Variants in OCLN observed in about 807,000 individuals in gnomAD.
The protein encoded by OCLN is occludin.
A neutral mutation model predicts 47.9 loss-of-function variants in OCLN; 21 were observed. The observed-to-expected ratio is 0.44, with a 90% confidence interval of 0.31 to 0.63. OCLN has a LOEUF of 0.63. Ranked by LOEUF, OCLN falls within the 30% of genes least tolerant of loss-of-function variation. The probability of loss-of-function intolerance (pLI) is 0.08; values close to 1 mark genes in which losing one functional copy is unlikely to be tolerated. For synonymous variants in OCLN, 117 were observed against 198.4 expected (o/e 0.59, Z 3.45); for missense variants, 360 against 571.0 (o/e 0.63, Z 3.77).
chr5:69,506,085 T>C (rs1379375873), intron 2 of OCLN, among the ~76,000 whole-genome samples: 2 of 152,116 alleles, frequency 1.3e-5, no homozygotes, highest in Non-Finnish European at 2.9e-5. Context: ...TTGGGTGCAA[T>C]TAATTTGCTA....
At chr5:69,521,469 C>T (rs984986641) in intron 4 of OCLN, among the ~76,000 whole-genome samples, 1 of 152,068 alleles carries the variant, frequency 6.6e-6, no homozygotes, top group Non-Finnish European at 1.5e-5. Context: ...TGAGTGTGCA[C>T]ACTTAAAATT....
At chr5:69,496,349 C>T (rs1192022353) in intron 1 of OCLN, among the ~76,000 whole-genome samples, 6 of 152,014 alleles carry the variant, frequency 3.9e-5, no homozygotes, top group Non-Finnish European at 5.9e-5. Flanking sequence ...CCTCCCGTCT[C>T]GGCCCCCCAA....
At position 69,503,276 on chromosome 5, in the gene OCLN, C is replaced by A. The variant is rs552029316; in HGVS notation, c.-68-901C>A. Reference sequence around the variant, plus strand: ...TCAAATCTGGTTCAAATCAAACTTACACCTCCCTTGCCGAGAATCACGAAC... The same window carrying A: ...TCAAATCTGGTTCAAATCAAACTTAAACCTCCCTTGCCGAGAATCACGAAC... On this transcript the variant is annotated intron_variant, in intron 1 of 8. Transcript: ENST00000396442. 5.3e-5 allele frequency among the ~76,000 whole-genome samples: 8 copies of A among 152,312 alleles called. No homozygotes were observed. The South Asian group carries it at 8.3e-4, about 16-fold the overall frequency.
rs1212368787 is a variant in OCLN at position 69,509,186 on chromosome 5, G to C, written c.96G>C (p.Glu32Asp). Residue 32 changes from glutamate to aspartate, a missense_variant, in exon 3 of 9, where the codon GAG (glutamate) becomes GAC (aspartate). Coordinates refer to ENST00000396442, the MANE Select transcript of OCLN (RefSeq NM_001205254.2). ...YAPSNDIYGG[E>D]MHVRPMLSQP... ...CAAGCAATGACATATATGGTGGAGA[G>C]ATGCATGTTCGACCAATGCTCTCTC... The C allele has an allele frequency of 6.2e-7, 1 of 1,614,184 alleles. No homozygotes were observed.
chr5:69,500,422 C>T (rs552581676), intron 1 of OCLN, among the ~76,000 whole-genome samples: 54 of 136,506 alleles, frequency 4.0e-4, no homozygotes, highest in Non-Finnish European at 1.6e-4. Context: ...TTTTTTGAGA[C>T]GGAGTTTTGC....
chr5:69,536,272 ATACTT>A (rs1769582247), intron 5 of OCLN, among the ~76,000 whole-genome samples: 1 of 148,924 alleles, frequency 6.7e-6, no homozygotes, highest in Admixed American at 6.8e-5. Context: ...TATAAACACT[ATACTT>A]AGGCTACACT....
chr5:69,515,239 C>T (rs1345661939), intron 4 of OCLN, among the ~76,000 whole-genome samples: 5 of 138,068 alleles, frequency 3.6e-5, no homozygotes, highest in African/African-American at 8.4e-5. Flanking sequence ...CGGGCAGAGG[C>T]GCCCCTAACC....
At position 69,513,973 on chromosome 5, in the gene OCLN, T is replaced by C. The variant is rs763448206; in HGVS notation, c.755T>C (p.Met252Thr). ...QEAIAIVLGFMIIVAFALIIF... is the reference protein window; with the variant it reads ...QEAIAIVLGFTIIVAFALIIF... ...GCCATTGCCATTGTACTGGGGTTCA[T>C]GATTATTGTGGCTTTTGCTTTAATA... Residue 252 changes from methionine (M) to threonine (T), a missense_variant, in exon 4 of 9, where the codon ATG (methionine) becomes ACG (threonine). Physicochemically the swap from Met to Thr is moderately conservative, Grantham distance 81 (BLOSUM62 -1). Around this residue, in one of 3 missense-constraint regions of OCLN, gnomAD observed 314 missense variants for 368.1 expected, o/e 0.85. Coordinates refer to ENST00000396442, the MANE Select transcript of OCLN (RefSeq NM_001205254.2). 6 of 1,614,030 alleles carry C rather than the reference T, an allele frequency of 3.7e-6. No individual in the cohort carries two copies. The highest frequency in any genetic ancestry group is 5.1e-6 in the Non-Finnish European group (6 of 1,179,858).
At position 69,533,826 on chromosome 5, in the gene OCLN, T is replaced by G. The variant is rs113659836; in HGVS notation, c.892-868T>G. On this transcript the variant is annotated intron_variant, in intron 4 of 8. Coordinates refer to ENST00000396442, the MANE Select transcript of OCLN (RefSeq NM_001205254.2). ...TGCCACCACGCCCAGCTAATTTTTT[T>G]TGTGTGTGTATTTTTAGTAGAAACG... Among the ~76,000 whole-genome samples the G allele has an allele frequency of 6.0e-3, 919 of 152,162 alleles. 6 individuals carry two copies. The highest frequency in any genetic ancestry group is 0.013 in the South Asian group (63 of 4,820).
At chr5:69,534,933 C>A in intron 5 of OCLN, 94 bp downstream of exon 5, 1 of 1,406,984 alleles carries the variant, frequency 7.1e-7, no homozygotes, top group Non-Finnish European at 9.8e-7. Flanking sequence ...AAAAAAATAT[C>A]CAGCAGTGCA....
At chr5:69,516,780 G>T (rs2112006290) in intron 4 of OCLN, among the ~76,000 whole-genome samples, 1 of 152,264 alleles carries the variant, frequency 6.6e-6, no homozygotes, top group East Asian at 1.9e-4. Context: ...TTAGAGGCCA[G>T]GTGTGGTGGC....
At chr5:69,500,199 G>T (rs1768416681) in intron 1 of OCLN, among the ~76,000 whole-genome samples, 1 of 152,140 alleles carries the variant, frequency 6.6e-6, no homozygotes, top group South Asian at 2.1e-4. Context: ...TCATTCTTTT[G>T]TGCTAATTGG....
At chr5:69,498,000 C>A (rs1236794229) in intron 1 of OCLN, among the ~76,000 whole-genome samples, 2 of 151,192 alleles carry the variant, frequency 1.3e-5, no homozygotes, top group African/African-American at 2.4e-5. Flanking sequence ...GGCGTAGTGG[C>A]GGGCGCCTGT....
chr5:69,533,086 T>TAC (rs1353911720), intron 4 of OCLN, among the ~76,000 whole-genome samples: 2 of 144,548 alleles, frequency 1.4e-5, no homozygotes, highest in Non-Finnish European at 3.0e-5. Flanking sequence ...CATATATATA[T>TAC]ATACACACAC....
At position 69,532,974 on chromosome 5, in the gene OCLN, A is replaced by ATAT. The variant is rs201177424; in HGVS notation, c.892-1720_892-1719insTAT. On this transcript the variant is annotated intron_variant, in intron 4 of 8. Coordinates refer to ENST00000396442, the MANE Select transcript of OCLN (RefSeq NM_001205254.2). Reference sequence around the variant, plus strand: ...CAGGGTGAGACTCTGTCTCAAAAAAAATATATATATATATGTATGCATGTA... The same window carrying ATAT: ...CAGGGTGAGACTCTGTCTCAAAAAAATATATATATATATATATGTATGCATGTA... Among the ~76,000 whole-genome samples, 15 of 123,374 alleles carry ATAT rather than the reference A, an allele frequency of 1.2e-4. 1 individual carries two copies. Among genetic ancestry groups the ATAT allele is most frequent in the African/African-American group, 3.9e-4 (12 of 30,724 alleles). The allele number at this position is 123,374 out of a possible 152,430, so 80.9% of individuals were successfully genotyped here.
chr5:69,523,133 T>C (rs1014676737), intron 4 of OCLN, among the ~76,000 whole-genome samples: 33 of 152,282 alleles, frequency 2.2e-4, no homozygotes, highest in South Asian at 2.1e-4. Context: ...ATAACTTTAT[T>C]CATATTGAGA....
intron 2 of OCLN, among the ~76,000 whole-genome samples, chr5:69,507,842 G>A (rs1768651041): frequency 6.6e-6 from 1 of 152,176 alleles, no homozygotes; most frequent in Non-Finnish European, 1.5e-5. Flanking sequence ...CTGACCTCAG[G>A]TGATCCACCC....
rs1026195854 is a variant in OCLN, at chr5:69,515,857, CG to C, written c.891+1752del. Among the ~76,000 whole-genome samples, 6 of 150,144 alleles carry C rather than the reference CG, an allele frequency of 4.0e-5. No individual in the cohort carries two copies. The South Asian group carries it at 8.5e-4, about 21-fold the overall frequency. On this transcript the variant is annotated intron_variant, in intron 4 of 8. Coordinates refer to ENST00000396442, the MANE Select transcript of OCLN (RefSeq NM_001205254.2). ...GTAGAGGCGCTCCTCACATCCCAGA[CG>C]GGGTGGCGGGGCAGAGGCGCTCCCC...
At chr5:69,505,732 T>C (rs930686634) in intron 2 of OCLN, among the ~76,000 whole-genome samples, 2 of 152,192 alleles carry the variant, frequency 1.3e-5, no homozygotes, top group African/African-American at 4.8e-5. Context: ...CTCCTCTAAG[T>C]AGTTTGCAGC....
Sources: allele counts gnomAD v4.1 joint callset (sites outside exome capture counted in the v4.1 genomes callset), GRCh38; gene constraint gnomAD v4.1.1; regional missense constraint gnomAD v4.1.1; transcripts MANE v1.5; gene names NCBI Gene and HGNC (gene_info 2026-07-23, HGNC 2026-07-21).